Variants in ZDHHC14 observed in about 807,000 individuals in gnomAD.
The protein encoded by ZDHHC14 is zDHHC palmitoyltransferase 14.
In ZDHHC14, 16 loss-of-function variants were observed where a neutral mutation model predicts 47.7. That is an observed-to-expected ratio of 0.34 (90% CI 0.23 to 0.51). The LOEUF (loss-of-function observed/expected upper bound fraction) is 0.51, where lower values mean the gene tolerates loss of function less well. Among genes scored for constraint, ZDHHC14 ranks in the 20% least tolerant of loss-of-function variants. ZDHHC14 has a pLI of 0.97. For synonymous variants in ZDHHC14, 293 were observed against 278.9 expected (o/e 1.05, Z -0.50); for missense variants, 515 against 662.5 (o/e 0.78, Z 2.44).
At chr6:157,581,851 T>C (rs183547789) in intron 2 of ZDHHC14, among the ~76,000 whole-genome samples, 1 of 152,138 alleles carries the variant, frequency 6.6e-6, no homozygotes, top group East Asian at 1.9e-4. Context: ...CAGCATACCA[T>C]TGGGTCATTG....
At chr6:157,572,608 AGCAT>A in intron 2 of ZDHHC14, among the ~76,000 whole-genome samples, 1 of 150,690 alleles carries the variant, frequency 6.6e-6, no homozygotes, top group African/African-American at 2.4e-5. Context: ...CTCATCATTT[AGCAT>A]TAGGTATATC....
chr6:157,665,428 G>A (rs1778512219), intron 8 of ZDHHC14, among the ~76,000 whole-genome samples: 1 of 152,150 alleles, frequency 6.6e-6, no homozygotes, highest in African/African-American at 2.4e-5. Flanking sequence ...GACAGATTTA[G>A]CATCAGACTC....
At chr6:157,404,641 G>T (rs1777708017) in intron 1 of ZDHHC14, among the ~76,000 whole-genome samples, 1 of 152,158 alleles carries the variant, frequency 6.6e-6, no homozygotes, top group African/African-American at 2.4e-5. Context: ...CCGTTTCCTA[G>T]CAATGAGTCA....
At position 157,647,315 on chromosome 6, in the gene ZDHHC14, C is replaced by T. The variant is rs183828280; in HGVS notation, c.912C>T (p.Tyr304=). The part of the protein sequence containing the change: ...RGKENYNPYS[Y]GNIFTNCCVA... ...AAGAAAATTACAATCCCTACAGCTA[C>T]GGAAATATCTTTACCAACTGCTGTG... Residue 304 remains tyrosine, a synonymous_variant, in exon 7 of 9, where the codon TAC becomes TAT. Transcript: ENST00000359775. 6.3e-5 allele frequency: 101 copies of T among 1,614,172 alleles called. 1 individual carries two copies. In the Middle Eastern group the frequency reaches 6.6e-4, roughly 11 times the overall value.
At chr6:157,433,248 T>C (rs1778374322) in intron 1 of ZDHHC14, among the ~76,000 whole-genome samples, 1 of 152,250 alleles carries the variant, frequency 6.6e-6, no homozygotes, top group African/African-American at 2.4e-5. Flanking sequence ...TTGGCTCTTA[T>C]AATTAATTGC....
At chr6:157,492,853 C>T (rs1779961118) in intron 1 of ZDHHC14, among the ~76,000 whole-genome samples, 1 of 152,036 alleles carries the variant, frequency 6.6e-6, no homozygotes, top group East Asian at 1.9e-4. Flanking sequence ...TTGCATAAGA[C>T]ATTCCAGGCA....
intron 3 of ZDHHC14, among the ~76,000 whole-genome samples, chr6:157,604,464 T>A (rs937324463): frequency 5.9e-5 from 9 of 152,122 alleles, no homozygotes; most frequent in Non-Finnish European, 1.2e-4. Context: ...TGACTGTGTT[T>A]ACTAGAACAA....
chr6:157,633,504 T>TCCCTTA (rs1776814625), intron 5 of ZDHHC14, among the ~76,000 whole-genome samples: 1 of 152,162 alleles, frequency 6.6e-6, no homozygotes, highest in Admixed American at 6.5e-5. Flanking sequence ...ATTAAGTGCT[T>TCCCTTA]GAATGAGGTC....
At chr6:157,440,397 A>C (rs1465762277) in intron 1 of ZDHHC14, among the ~76,000 whole-genome samples, 1 of 152,172 alleles carries the variant, frequency 6.6e-6, no homozygotes, top group Non-Finnish European at 1.5e-5. Flanking sequence ...TGAAAAATAA[A>C]AGGAACATAC....
Position 157,575,112 on chromosome 6 carries a change from A to T in ZDHHC14, c.407-17876A>T, listed in dbSNP as rs376792800. ...ATCTTGAGCCTGAATCCTGCAGGGC[A>T]GCAGGCTGGAAGCAGGCGGGGTTTC... On this transcript the variant is annotated intron_variant, in intron 2 of 8. Transcript: ENST00000359775. Among the ~76,000 whole-genome samples the T allele has an allele frequency of 4.0e-4, 61 of 152,360 alleles. No individual in the cohort carries two copies. In the South Asian group the frequency reaches 0.012, roughly 30 times the overall value.
chr6:157,487,809 G>C (rs773736304), intron 1 of ZDHHC14, among the ~76,000 whole-genome samples: 11 of 152,194 alleles, frequency 7.2e-5, no homozygotes, highest in Non-Finnish European at 1.5e-4. Flanking sequence ...GCAGCCTCAT[G>C]ACTGGCAGCC....
chr6:157,505,786 T>C (rs554229083), intron 1 of ZDHHC14, among the ~76,000 whole-genome samples: 14 of 152,240 alleles, frequency 9.2e-5, no homozygotes, highest in Non-Finnish European at 1.5e-4. Context: ...CATCTTTGTG[T>C]AGAAGTATAA....
intron 5 of ZDHHC14, among the ~76,000 whole-genome samples, chr6:157,636,752 C>T (rs1175091812): frequency 1.3e-5 from 2 of 152,174 alleles, no homozygotes; most frequent in African/African-American, 4.8e-5. Context: ...TGGGCAGCAC[C>T]CTAGCCTGGG....
chr6:157,623,482 A>G (rs538924058), intron 3 of ZDHHC14, among the ~76,000 whole-genome samples: 3 of 151,282 alleles, frequency 2.0e-5, no homozygotes, highest in Admixed American at 2.0e-4. Flanking sequence ...TCTTTCCTTT[A>G]TAAATTACCC....
chr6:157,431,828 C>T (rs9457430), intron 1 of ZDHHC14, among the ~76,000 whole-genome samples: 1,632 of 151,392 alleles, frequency 0.011, 28 homozygotes, highest in African/African-American at 0.037. Context: ...CCTCTGTGCT[C>T]AGGCGATCCT....
intron 5 of ZDHHC14, among the ~76,000 whole-genome samples, chr6:157,633,570 C>T (rs1026769691): frequency 1.2e-4 from 18 of 152,162 alleles, no homozygotes; most frequent in Admixed American, 1.0e-3. Flanking sequence ...TGATCTGGCT[C>T]GTCAGTGACC....
chr6:157,609,528 G>A (rs574754288), intron 3 of ZDHHC14, among the ~76,000 whole-genome samples: 1 of 152,316 alleles, frequency 6.6e-6, no homozygotes, highest in East Asian at 1.9e-4. Context: ...AATTTACAAA[G>A]CAACGTCATA....
chr6:157,637,476 G>A (rs996050057), intron 5 of ZDHHC14, among the ~76,000 whole-genome samples: 1 of 152,198 alleles, frequency 6.6e-6, no homozygotes, highest in Non-Finnish European at 1.5e-5. Context: ...GCTGGTTTAT[G>A]ATGGATGAGT....
intron 8 of ZDHHC14, among the ~76,000 whole-genome samples, chr6:157,668,437 A>G (rs1313805804): frequency 6.6e-6 from 1 of 151,418 alleles, no homozygotes; most frequent in Non-Finnish European, 1.5e-5. Flanking sequence ...TAATCCCAGC[A>G]CTTTGGGAGG....
Sources: gnomAD v4.1 joint callset for allele counts (sites outside exome capture counted in the v4.1 genomes callset) on GRCh38, gnomAD v4.1.1 for gene constraint, MANE v1.5 for transcripts, NCBI Gene and HGNC (gene_info 2026-07-23, HGNC 2026-07-21) for gene names.